The following ZNF708 variants were observed in gnomAD, a reference collection of about 807,000 sequenced individuals.
ZNF708 encodes the protein zinc finger protein 708, also known as ZNF15, ZNF15L1.
Under a neutral mutation model 47.0 loss-of-function variants are expected in ZNF708, and 44 were observed. That is an observed-to-expected ratio of 0.94 (90% CI 0.74 to 1.20). The LOEUF (loss-of-function observed/expected upper bound fraction) is 1.20. ZNF708 is among the 50% of genes most tolerant of loss of function. The pLI is 0.00. For missense variants in ZNF708, 557 were observed against 656.0 expected, an observed-to-expected ratio of 0.85 and a Z score of 1.65; for synonymous variants, 184 against 218.5, an observed-to-expected ratio of 0.84 and a Z score of 1.39.
chr19:21,312,933 T>G (rs912522004), intron 1 of ZNF708, among the ~76,000 whole-genome samples: 2 of 152,202 alleles, frequency 1.3e-5, no homozygotes, highest in African/African-American at 4.8e-5. Context: ...TCTGAATAAG[T>G]CTGCATTTGG....
intron 3 of ZNF708, among the ~76,000 whole-genome samples, chr19:21,308,995 A>G (rs1249357566): frequency 6.6e-6 from 1 of 152,182 alleles, no homozygotes; most frequent in Non-Finnish European, 1.5e-5. Context: ...CAGATTGTGC[A>G]ATCTCTTATA....
chr19:21,294,495 T>C lies in ZNF708; in HGVS notation c.471A>G (p.Arg157=). ...TTTTTCCAGTATGTCTTATCTTATG[T>C]CTCTTTGCATTTGAATATTTATGAA... ...KVFHKYSNAK[R]HKIRHTGKNP... is the part of the protein sequence containing the mutation. Residue 157 remains arginine (R), a synonymous_variant, in exon 4 of 4, where the codon AGA becomes AGG. Transcript: ENST00000356929. 9 of 1,614,166 alleles carry C rather than the reference T, an allele frequency of 5.6e-6. No homozygotes were observed. Among genetic ancestry groups the C allele is most frequent in the Non-Finnish European group, 7.6e-6 (9 of 1,179,998 alleles).
intron 3 of ZNF708, 57 bp from the exon 4 acceptor site, chr19:21,294,796 C>G: frequency 6.8e-7 from 1 of 1,467,006 alleles, no homozygotes; most frequent in Non-Finnish European, 9.0e-7. Flanking sequence ...TTAATATTTA[C>G]AAATCTAACT....
chr19:21,316,074 A>AG (rs1335484326), intron 1 of ZNF708, among the ~76,000 whole-genome samples: 1 of 151,026 alleles, frequency 6.6e-6, no homozygotes, highest in African/African-American at 2.4e-5. Flanking sequence ...GTCTCAAAAA[A>AG]AAAAAAACCT....
intron 1 of ZNF708, among the ~76,000 whole-genome samples, chr19:21,325,060 A>G (rs779342346): frequency 6.6e-6 from 1 of 152,208 alleles, no homozygotes; most frequent in African/African-American, 2.4e-5. Context: ...CTGATGAAAG[A>G]AATCATAGAT....
intron 3 of ZNF708, among the ~76,000 whole-genome samples, chr19:21,297,661 G>A (rs1389135918): frequency 6.9e-6 from 1 of 145,656 alleles, no homozygotes; most frequent in Admixed American, 6.9e-5. Context: ...TTTCAATCTA[G>A]AGACATAATT....
chr19:21,305,751 G>C (rs891083335), intron 3 of ZNF708, among the ~76,000 whole-genome samples: 1 of 152,062 alleles, frequency 6.6e-6, no homozygotes, highest in Non-Finnish European at 1.5e-5. Flanking sequence ...GTGAGCCACC[G>C]GGCCTGGCCT....
intron 1 of ZNF708, among the ~76,000 whole-genome samples, chr19:21,327,081 T>C (rs888991193): frequency 6.6e-6 from 1 of 152,202 alleles, no homozygotes; most frequent in Admixed American, 6.5e-5. Flanking sequence ...TAATTTTTTC[T>C]GAAATCCACC....
intron 3 of ZNF708, among the ~76,000 whole-genome samples, chr19:21,306,262 A>G (rs1031168192): frequency 3.3e-5 from 5 of 152,202 alleles, no homozygotes; most frequent in Non-Finnish European, 7.3e-5. Flanking sequence ...TCTGCACATC[A>G]AAACAAAAAT....
intron 3 of ZNF708, among the ~76,000 whole-genome samples, chr19:21,295,385 G>A (rs777035543): frequency 4.6e-5 from 7 of 152,130 alleles, no homozygotes; most frequent in African/African-American, 1.4e-4. Context: ...AAATGTTTGC[G>A]AGACTCCCAA....
At chr19:21,317,103 C>G (rs963853992) in intron 1 of ZNF708, among the ~76,000 whole-genome samples, 22 of 141,456 alleles carry the variant, frequency 1.6e-4, no homozygotes, top group Non-Finnish European at 2.4e-4. Flanking sequence ...GAAACCCCAT[C>G]TCTACTACAA....
intron 3 of ZNF708, 141 bp downstream of exon 3, chr19:21,309,105 C>A: frequency 1.5e-6 from 1 of 687,740 alleles, no homozygotes; most frequent in Non-Finnish European, 2.3e-6. Context: ...CAGAAGACGC[C>A]CCTATATTAA....
chr19:21,300,452 G>A (rs1207700602), intron 3 of ZNF708, among the ~76,000 whole-genome samples: 1 of 149,662 alleles, frequency 6.7e-6, no homozygotes, highest in African/African-American at 2.5e-5. Context: ...GTTGCGGTGA[G>A]CTGAGATCGC....
At chr19:21,328,002 T>C in intron 1 of ZNF708, 1 of 1,001,066 alleles carries the variant, frequency 1.0e-6, no homozygotes, top group Non-Finnish European at 1.2e-6. Context: ...GGAGCTGATA[T>C]TCACTAGACA....
chr19:21,300,623 C>T (rs1258563634), intron 3 of ZNF708, among the ~76,000 whole-genome samples: 1 of 151,582 alleles, frequency 6.6e-6, no homozygotes, highest in East Asian at 1.9e-4. Flanking sequence ...TCTTAAATTG[C>T]ATTGAGTTAA....
intron 1 of ZNF708, among the ~76,000 whole-genome samples, chr19:21,315,345 G>A (rs1474583027): frequency 6.6e-6 from 1 of 152,186 alleles, no homozygotes; most frequent in Non-Finnish European, 1.5e-5. Flanking sequence ...CCAATTCAAA[G>A]TCTGGCCCTG....
intron 1 of ZNF708, among the ~76,000 whole-genome samples, chr19:21,311,512 T>G (rs1381427605): frequency 1.3e-5 from 2 of 152,136 alleles, no homozygotes; most frequent in Admixed American, 6.6e-5. Context: ...TGAATTATAG[T>G]CTGAATTTAA....
chr19:21,316,133 CTTTTTTT>C (rs544312163), intron 1 of ZNF708, among the ~76,000 whole-genome samples: 2 of 105,490 alleles, frequency 1.9e-5, no homozygotes, highest in African/African-American at 3.7e-5. Flanking sequence ...TTTCTTTTTT[CTTTTTTT>C]TTTTTTTTTT....
chr19:21,320,880 G>A (rs542787368), intron 1 of ZNF708, among the ~76,000 whole-genome samples: 9 of 151,278 alleles, frequency 5.9e-5, no homozygotes, highest in Admixed American at 5.3e-4. Flanking sequence ...GGTGGCTCAC[G>A]CCTGTAATCC....
Sources: gnomAD v4.1 joint callset for allele counts (sites outside exome capture counted in the v4.1 genomes callset) on GRCh38, gnomAD v4.1.1 for gene constraint, MANE v1.5 for transcripts, NCBI Gene and HGNC (gene_info 2026-07-23, HGNC 2026-07-21) for gene names.